CERS3: variants seen among roughly 807,000 people sequenced by gnomAD.
CERS3 encodes LAG1 homolog, ceramide synthase 3.
CERS3 carries 33 observed loss-of-function variants against 50.3 expected under a neutral mutation model. That is an observed-to-expected ratio of 0.66 (90% confidence interval 0.50 to 0.88). CERS3 has a LOEUF of 0.88. Ranked by LOEUF, CERS3 falls within the 40% of genes least tolerant of loss-of-function variation. The pLI is 0.00. For missense variants in CERS3, 470 were observed against 460.3 expected (o/e 1.02, Z -0.19); for synonymous variants, 176 against 155.2 (o/e 1.13, Z -0.99).
At chr15:100,429,344 A>G (rs1040600594) in intron 11 of CERS3, among the ~76,000 whole-genome samples, 4 of 152,150 alleles carry the variant, frequency 2.6e-5, no homozygotes, top group African/African-American at 9.7e-5. Flanking sequence ...AGGCTATCGG[A>G]GTAGCACTGC....
chr15:100,513,362 C>T (rs745879230), intron 2 of CERS3, among the ~76,000 whole-genome samples: 19 of 152,234 alleles, frequency 1.2e-4, no homozygotes, highest in Middle Eastern at 6.8e-3. Flanking sequence ...TCCCTGTCTT[C>T]CCTCTCCCTG....
chr15:100,487,011 A>T (rs1041600131), intron 4 of CERS3, among the ~76,000 whole-genome samples: 4 of 152,198 alleles, frequency 2.6e-5, no homozygotes, highest in African/African-American at 9.7e-5. Flanking sequence ...AGAAGAATCT[A>T]GTTGGAAGTC....
rs1162475657 is a variant in CERS3 at position 100,466,840 on chromosome 15, C to CCTCTCTCCCTCTCTCCCTCTCTCCCT, written c.845+2537_845+2538insAGGGAGAGAGGGAGAGAGGGAGAGAG. On this transcript the variant is annotated intron_variant, in intron 10 of 11. Coordinates refer to ENST00000679737, the MANE Select transcript of CERS3 (RefSeq NM_001378789.1). Reference sequence around the variant, plus strand: ...CCCTCTCTCCCTCTCTCCCTCTCTCCCTCTCTCTTTCTCTCTTTCTTTCTT... The same window carrying CCTCTCTCCCTCTCTCCCTCTCTCCCT: ...CCCTCTCTCCCTCTCTCCCTCTCTCCCTCTCTCCCTCTCTCCCTCTCTCCCTCTCTCTCTTTCTCTCTTTCTTTCTT... 7.1e-5 allele frequency among the ~76,000 whole-genome samples: 2 copies of CCTCTCTCCCTCTCTCCCTCTCTCCCT among 28,262 alleles called. 1 individual carries two copies. Among genetic ancestry groups the CCTCTCTCCCTCTCTCCCTCTCTCCCT allele is most frequent in the Non-Finnish European group, 1.6e-4 (2 of 12,208 alleles). The allele number at this position is 28,262 out of a possible 152,430, so 18.5% of individuals were successfully genotyped here.
chr15:100,539,221 G>A (rs897280380), intron 1 of CERS3, among the ~76,000 whole-genome samples: 13 of 152,192 alleles, frequency 8.5e-5, no homozygotes, highest in Admixed American at 8.5e-4. Flanking sequence ...TCTCTGAAAT[G>A]TTCCAAACTT....
intron 2 of CERS3, among the ~76,000 whole-genome samples, chr15:100,511,222 G>A (rs1187917335): frequency 6.6e-6 from 1 of 152,146 alleles, no homozygotes; most frequent in African/African-American, 2.4e-5. Flanking sequence ...CCTGGAGGCG[G>A]AGGTTGTAGT....
chr15:100,427,395 A>T (rs1373073093), intron 11 of CERS3, among the ~76,000 whole-genome samples: 2 of 152,206 alleles, frequency 1.3e-5, no homozygotes, highest in African/African-American at 4.8e-5. Context: ...ATTAAGTGGA[A>T]ATGAATAACA....
chr15:100,516,135 C>A (rs1305641004), intron 2 of CERS3, among the ~76,000 whole-genome samples: 2 of 152,146 alleles, frequency 1.3e-5, no homozygotes, highest in Non-Finnish European at 2.9e-5. Flanking sequence ...CTGTGTGCCA[C>A]TCAAGGGTGC....
intron 1 of CERS3, among the ~76,000 whole-genome samples, chr15:100,538,180 T>C (rs775766397): frequency 1.3e-5 from 2 of 152,232 alleles, no homozygotes; most frequent in African/African-American, 2.4e-5. Flanking sequence ...GGTACAGCCC[T>C]GCTCCCAGCT....
At chr15:100,540,174 C>T (rs528104036) in intron 1 of CERS3, among the ~76,000 whole-genome samples, 4 of 152,324 alleles carry the variant, frequency 2.6e-5, no homozygotes, top group African/African-American at 9.6e-5. Context: ...ATCACTCTGA[C>T]CTTGGCTCAG....
intron 2 of CERS3, among the ~76,000 whole-genome samples, chr15:100,502,237 C>T (rs4965665): frequency 0.57 from 73,365 of 129,050 alleles, 20,737 homozygotes; most frequent in Admixed American, 0.64. Flanking sequence ...GAGCAAGACT[C>T]CACCTCAAAA....
intron 11 of CERS3, among the ~76,000 whole-genome samples, chr15:100,430,428 A>G (rs867750114): frequency 9.9e-5 from 15 of 152,248 alleles, no homozygotes; most frequent in African/African-American, 3.4e-4. Context: ...TAAATGAACA[A>G]TCTTTGCCCA....
chr15:100,518,310 A>T (rs57003894), intron 2 of CERS3, among the ~76,000 whole-genome samples: 3 of 152,060 alleles, frequency 2.0e-5, no homozygotes, highest in Admixed American at 6.5e-5. Flanking sequence ...ACAGAGAGTG[A>T]GAGAGAGAGA....
intron 10 of CERS3, among the ~76,000 whole-genome samples, chr15:100,462,332 G>T (rs192731753): frequency 1.3e-5 from 2 of 152,272 alleles, no homozygotes; most frequent in Non-Finnish European, 2.9e-5. Flanking sequence ...TGCAGTGTTG[G>T]TATAAATATT....
chr15:100,528,489 A>C (rs1404778511), intron 1 of CERS3, among the ~76,000 whole-genome samples: 1 of 152,126 alleles, frequency 6.6e-6, no homozygotes, highest in Non-Finnish European at 1.5e-5. Context: ...CCTAACCCTC[A>C]ATGAATCAGT....
chr15:100,494,237 ATATATATATATATATATATATT>A (rs71151955), intron 3 of CERS3, among the ~76,000 whole-genome samples: 47,981 of 102,684 alleles, frequency 0.47, 11,359 homozygotes, highest in Middle Eastern at 0.58. Context: ...ATATATATAT[ATATATATATATATATATATATT>A]TGTTTTGAGA....
chr15:100,500,747 G>C (rs2035971789), intron 3 of CERS3, among the ~76,000 whole-genome samples: 1 of 152,184 alleles, frequency 6.6e-6, no homozygotes, highest in Non-Finnish European at 1.5e-5. Context: ...ATAGCACGCT[G>C]TTGGCCCCAG....
chr15:100,471,487 G>C (rs1303448671), intron 9 of CERS3, among the ~76,000 whole-genome samples: 1 of 152,152 alleles, frequency 6.6e-6, no homozygotes, highest in East Asian at 1.9e-4. Flanking sequence ...CAATGAGGCT[G>C]TTTTTACATT....
intron 2 of CERS3, among the ~76,000 whole-genome samples, chr15:100,507,014 C>T (rs115374082): frequency 0.014 from 2,141 of 152,140 alleles, 59 homozygotes; most frequent in African/African-American, 0.049. Flanking sequence ...ACCTTTACAC[C>T]TTTTAATCTA....
rs118082945 is a variant in CERS3 at position 100,518,710 on chromosome 15, C to A, written c.-2+2957G>T. On this transcript the variant is annotated intron_variant, in intron 2 of 11. Transcript: ENST00000679737. ...ATACACAGGATTTCCTAGCTCGACA[C>A]CACACCAGGCACATTATCAGCTCCT... Among the ~76,000 whole-genome samples, 117 of 152,312 alleles carry A rather than the reference C, an allele frequency of 7.7e-4. 2 individuals are homozygous for A. The East Asian group carries it at 0.019, about 24-fold the overall frequency.
Sources: gnomAD v4.1 joint callset for allele counts (sites outside exome capture counted in the v4.1 genomes callset) on GRCh38, gnomAD v4.1.1 for gene constraint, MANE v1.5 for transcripts, NCBI Gene and HGNC (gene_info 2026-07-23, HGNC 2026-07-21) for gene names.